PLCB1: variants seen among roughly 807,000 people sequenced by gnomAD.
The protein encoded by PLCB1 is 1-phosphatidylinositol 4,5-bisphosphate phosphodiesterase beta-1.
In PLCB1, 46 loss-of-function variants were observed where a neutral mutation model predicts 161.8. That is an observed-to-expected ratio of 0.28 (90% confidence interval 0.22 to 0.36). The LOEUF (loss-of-function observed/expected upper bound fraction) is 0.36, where lower values mean the gene tolerates loss of function less well. PLCB1 is among the 10% of genes least tolerant of loss of function. PLCB1 has a pLI of 1.00. For synonymous variants in PLCB1, 517 were observed against 503.7 expected (o/e 1.03, Z -0.35); for missense variants, 1,016 against 1,472.5 (o/e 0.69, Z 5.07).
At chr20:8,632,023 G>C (rs1461614361) in intron 4 of PLCB1, among the ~76,000 whole-genome samples, 2 of 110,136 alleles carry the variant, frequency 1.8e-5, no homozygotes, top group African/African-American at 6.5e-5. Context: ...AGACAAATAT[G>C]GGTTTTTTTT....
rs1988387035 is a variant in PLCB1, at chr20:8,627,439, A to C, written c.247-855A>C. Among the ~76,000 whole-genome samples, 4 of 152,218 alleles carry C rather than the reference A, an allele frequency of 2.6e-5. No individual in the cohort carries two copies. The South Asian group carries it at 8.3e-4, about 32-fold the overall frequency. ...GGACCTGTTGGCCCAGTATTTAGCT[A>C]AATAAATAAGAATGTAAGTGTACTC... On this transcript the variant is annotated intron_variant, in intron 3 of 31. Coordinates refer to ENST00000338037, the MANE Select transcript of PLCB1 (RefSeq NM_015192.4).
At chr20:8,762,080 C>T (rs1331059451) in intron 25 of PLCB1, among the ~76,000 whole-genome samples, 3 of 151,874 alleles carry the variant, frequency 2.0e-5, no homozygotes, top group African/African-American at 4.8e-5. Context: ...TGTGGTGGCG[C>T]GCACCTATAA....
intron 2 of PLCB1, among the ~76,000 whole-genome samples, chr20:8,234,990 G>A (rs1225876486): frequency 6.6e-6 from 1 of 152,044 alleles, no homozygotes; most frequent in African/African-American, 2.4e-5. Context: ...TGCCTGATGA[G>A]TAGTGATTTT....
chr20:8,519,636 G>A (rs1984274652), intron 3 of PLCB1, among the ~76,000 whole-genome samples: 1 of 152,106 alleles, frequency 6.6e-6, no homozygotes, highest in Admixed American at 6.5e-5. Flanking sequence ...AAAGGCAGGA[G>A]ACACATTCAG....
intron 16 of PLCB1, among the ~76,000 whole-genome samples, chr20:8,726,853 T>C (rs1490575706): frequency 6.6e-6 from 1 of 152,046 alleles, no homozygotes; most frequent in Non-Finnish European, 1.5e-5. Flanking sequence ...AAAAAGTATA[T>C]ACAAACTGAT....
intron 3 of PLCB1, among the ~76,000 whole-genome samples, chr20:8,394,404 A>G (rs944315865): frequency 2.0e-5 from 3 of 152,148 alleles, no homozygotes; most frequent in Non-Finnish European, 1.5e-5. Flanking sequence ...GTGTGTGTGC[A>G]GAAAGAAAGA....
intron 1 of PLCB1, among the ~76,000 whole-genome samples, chr20:8,144,360 G>A (rs1249066765): frequency 3.3e-5 from 5 of 152,216 alleles, no homozygotes; most frequent in Non-Finnish European, 7.4e-5. Flanking sequence ...GATCTTGCAC[G>A]ACACTTGAAG....
intron 2 of PLCB1, among the ~76,000 whole-genome samples, chr20:8,176,553 G>A (rs1005426356): frequency 1.3e-5 from 2 of 152,142 alleles, no homozygotes; most frequent in African/African-American, 4.8e-5. Flanking sequence ...TGACGATACT[G>A]TTCTATATCT....
intron 31 of PLCB1, among the ~76,000 whole-genome samples, chr20:8,877,740 A>C (rs1987831157): frequency 6.6e-6 from 1 of 152,270 alleles, no homozygotes; most frequent in Admixed American, 6.5e-5. Context: ...TTAGTTTATA[A>C]GAAGAAAAAG....
chr20:8,376,508 T>C (rs1987086601), intron 3 of PLCB1, among the ~76,000 whole-genome samples: 1 of 152,218 alleles, frequency 6.6e-6, no homozygotes, highest in Admixed American at 6.5e-5. Flanking sequence ...TGAGTGACTC[T>C]TTCTGCCAGG....
At chr20:8,275,586 C>T (rs1982500424) in intron 2 of PLCB1, among the ~76,000 whole-genome samples, 1 of 152,130 alleles carries the variant, frequency 6.6e-6, no homozygotes, top group Non-Finnish European at 1.5e-5. Flanking sequence ...TCTTAGCTGT[C>T]AGAGTTACTG....
chr20:8,483,671 A>G (rs955730144), intron 3 of PLCB1, among the ~76,000 whole-genome samples: 5 of 152,168 alleles, frequency 3.3e-5, no homozygotes, highest in Admixed American at 2.6e-4. Context: ...GGTTAGAACA[A>G]TGCTGCGTAA....
intron 9 of PLCB1, among the ~76,000 whole-genome samples, chr20:8,680,863 A>C (rs1374958192): frequency 1.3e-5 from 2 of 151,746 alleles, no homozygotes; most frequent in Admixed American, 6.6e-5. Context: ...GGTAGAGAAA[A>C]TAACCAAAAA....
chr20:8,554,110 G>T (rs1427193527), intron 3 of PLCB1, among the ~76,000 whole-genome samples: 4 of 151,600 alleles, frequency 2.6e-5, no homozygotes, highest in Non-Finnish European at 1.5e-5. Flanking sequence ...GTAAGGCCAG[G>T]TGTTGGCAAG....
At chr20:8,807,694 T>G (rs1821559605) in intron 31 of PLCB1, among the ~76,000 whole-genome samples, 1 of 152,080 alleles carries the variant, frequency 6.6e-6, no homozygotes, top group African/African-American at 2.4e-5. Context: ...TATAGTGCTA[T>G]CCAATAGAAT....
At chr20:8,427,224 T>C (rs77942873) in intron 3 of PLCB1, among the ~76,000 whole-genome samples, 8,528 of 152,188 alleles carry the variant, frequency 0.056, 275 homozygotes, top group Middle Eastern at 0.11. Context: ...AAAAGATTAT[T>C]ATATCAAGAT....
At chr20:8,584,471 TACACACACACAG>T (rs1295513653) in intron 3 of PLCB1, among the ~76,000 whole-genome samples, 2 of 115,098 alleles carry the variant, frequency 1.7e-5, no homozygotes, top group Admixed American at 9.8e-5. Flanking sequence ...CACACACACA[TACACACACACAG>T]ACACACACAC....
At chr20:8,450,255 A>G (rs893795871) in intron 3 of PLCB1, among the ~76,000 whole-genome samples, 1 of 152,170 alleles carries the variant, frequency 6.6e-6, no homozygotes, top group Admixed American at 6.5e-5. Flanking sequence ...CTCTTGAAAA[A>G]TTTCACACGA....
intron 4 of PLCB1, among the ~76,000 whole-genome samples, chr20:8,643,906 T>C (rs1203528800): frequency 6.6e-6 from 1 of 152,168 alleles, no homozygotes; most frequent in Non-Finnish European, 1.5e-5. Flanking sequence ...CTGATTCTCC[T>C]GCCTCAGCCT....
Sources: gnomAD v4.1 joint callset for allele counts (sites outside exome capture counted in the v4.1 genomes callset) on GRCh38, gnomAD v4.1.1 for gene constraint, MANE v1.5 for transcripts, NCBI Gene and HGNC (gene_info 2026-07-23, HGNC 2026-07-21) for gene names.